Variants in LSAMP observed in about 807,000 individuals in gnomAD.
LSAMP encodes the protein limbic system associated membrane protein.
Under a neutral mutation model 38.6 loss-of-function variants are expected in LSAMP, and 7 were observed. That is an observed-to-expected ratio of 0.18 (90% CI 0.10 to 0.34). LSAMP has a LOEUF of 0.34. Ranked by LOEUF, LSAMP falls within the 10% of genes least tolerant of loss-of-function variation. The pLI is 1.00. For synonymous variants in LSAMP, 154 were observed against 166.8 expected, an observed-to-expected ratio of 0.92 and a Z score of 0.59; for missense variants, 313 against 420.0, an observed-to-expected ratio of 0.75 and a Z score of 2.23.
At chr3:116,224,425 C>A (rs902563351) in intron 1 of LSAMP, among the ~76,000 whole-genome samples, 1 of 152,084 alleles carries the variant, frequency 6.6e-6, no homozygotes, top group African/African-American at 2.4e-5. Flanking sequence ...GCTGCCTTTC[C>A]TTTTAGAATA....
chr3:116,408,992 T>C lies in LSAMP; in HGVS notation c.155+35885A>G, dbSNP rs142105059. 1.2e-3 allele frequency among the ~76,000 whole-genome samples: 184 copies of C among 152,138 alleles called. 2 individuals are homozygous for C. The highest frequency in any genetic ancestry group is 2.1e-3 in the Non-Finnish European group (140 of 67,958). On this transcript the variant is annotated intron_variant, in intron 1 of 6. Coordinates refer to ENST00000490035, the MANE Select transcript of LSAMP (RefSeq NM_002338.5). ...CGTCATTGTGCAGAAACAGAAAAAG[T>C]GATTTGCCCTTTTTCTACATTGGTT...
intron 1 of LSAMP, among the ~76,000 whole-genome samples, chr3:116,186,357 T>C (rs1710616386): frequency 6.6e-6 from 1 of 152,164 alleles, no homozygotes; most frequent in African/African-American, 2.4e-5. Flanking sequence ...AAGTGTTTTA[T>C]GTTTTAGAGC....
intron 3 of LSAMP, among the ~76,000 whole-genome samples, chr3:115,968,963 TGCAGTGAAAA>T (rs1366975898): frequency 6.6e-6 from 1 of 152,178 alleles, no homozygotes; most frequent in Non-Finnish European, 1.5e-5. Flanking sequence ...TCTTGCTTTC[TGCAGTGAAAA>T]GCAGCACTGA....
At chr3:116,227,659 C>T (rs2046357180) in intron 1 of LSAMP, among the ~76,000 whole-genome samples, 1 of 121,126 alleles carries the variant, frequency 8.3e-6, no homozygotes, top group South Asian at 3.2e-4. Context: ...TCATCTTGCT[C>T]CGTAGTTCCT....
intron 1 of LSAMP, among the ~76,000 whole-genome samples, chr3:116,086,985 T>C (rs1303235989): frequency 6.6e-6 from 1 of 152,238 alleles, no homozygotes; most frequent in African/African-American, 2.4e-5. Flanking sequence ...TGTGTAATGA[T>C]AGATTAAAGT....
intron 1 of LSAMP, among the ~76,000 whole-genome samples, chr3:116,237,070 A>G (rs927787384): frequency 6.6e-6 from 1 of 152,038 alleles, no homozygotes; most frequent in Admixed American, 6.6e-5. Flanking sequence ...CACTAAGATG[A>G]CTTTCTGATC....
chr3:116,164,454 G>A (rs1709980870), intron 1 of LSAMP, among the ~76,000 whole-genome samples: 1 of 149,394 alleles, frequency 6.7e-6, no homozygotes, highest in African/African-American at 2.5e-5. Context: ...TAAAAGCAAT[G>A]GCAAAAACCA....
At chr3:116,223,952 C>T (rs1329184315) in intron 1 of LSAMP, among the ~76,000 whole-genome samples, 2 of 152,076 alleles carry the variant, frequency 1.3e-5, no homozygotes, top group Non-Finnish European at 2.9e-5. Context: ...GGCTTCTTTG[C>T]TGATTTAATA....
intron 1 of LSAMP, among the ~76,000 whole-genome samples, chr3:116,352,760 A>G (rs2048159659): frequency 6.6e-6 from 1 of 152,066 alleles, no homozygotes; most frequent in Non-Finnish European, 1.5e-5. Context: ...TTTAATTCAT[A>G]TGTATTTCAC....
At chr3:116,078,946 A>G (rs1371861799) in intron 2 of LSAMP, among the ~76,000 whole-genome samples, 1 of 152,150 alleles carries the variant, frequency 6.6e-6, no homozygotes, top group Non-Finnish European at 1.5e-5. Context: ...ATGAATTGCT[A>G]CTGGGGTGTC....
intron 1 of LSAMP, among the ~76,000 whole-genome samples, chr3:116,249,148 CA>C (rs56255627): frequency 2.5e-3 from 315 of 126,238 alleles, no homozygotes; most frequent in African/African-American, 8.6e-3. Context: ...GACTCTGTCT[CA>C]AAAAAAAAAA....
chr3:116,275,474 T>C (rs1322315528), intron 1 of LSAMP, among the ~76,000 whole-genome samples: 2 of 152,146 alleles, frequency 1.3e-5, no homozygotes, highest in African/African-American at 4.8e-5. Flanking sequence ...TGTGTGGGCA[T>C]TGGGGGGAGT....
intron 3 of LSAMP, among the ~76,000 whole-genome samples, chr3:115,874,573 T>A: frequency 6.6e-6 from 1 of 152,132 alleles, no homozygotes; most frequent in Admixed American, 6.6e-5. Context: ...TGTACATTTA[T>A]TTATACATAC....
chr3:116,433,482 C>T (rs1454952853), intron 1 of LSAMP, among the ~76,000 whole-genome samples: 2 of 151,990 alleles, frequency 1.3e-5, no homozygotes, highest in African/African-American at 4.8e-5. Context: ...GAAAGATATA[C>T]AGAAGGAAAT....
intron 4 of LSAMP, among the ~76,000 whole-genome samples, chr3:115,842,996 A>G (rs1039792714): frequency 2.6e-5 from 4 of 152,210 alleles, no homozygotes; most frequent in East Asian, 1.9e-4. Flanking sequence ...TCTTGTCATT[A>G]TAGTTTGAGA....
At chr3:115,856,295 C>A (rs931496116) in intron 3 of LSAMP, among the ~76,000 whole-genome samples, 22 of 152,048 alleles carry the variant, frequency 1.4e-4, no homozygotes, top group Admixed American at 5.9e-4. Context: ...GAAGATGGAG[C>A]CTTCATGAAT....
chr3:116,167,310 T>C (rs1026201908), intron 1 of LSAMP, among the ~76,000 whole-genome samples: 1 of 152,130 alleles, frequency 6.6e-6, no homozygotes, highest in Non-Finnish European at 1.5e-5. Context: ...TGCATCTTCA[T>C]ATCCAGCTCA....
At chr3:115,939,528 T>TTC (rs1559889001) in intron 3 of LSAMP, among the ~76,000 whole-genome samples, 2 of 111,902 alleles carry the variant, frequency 1.8e-5, no homozygotes, top group Admixed American at 1.8e-4. Context: ...TATGTTCTCT[T>TTC]TCTCTTTCTT....
At chr3:115,861,122 CTTCTT>C (rs1559855355) in intron 3 of LSAMP, among the ~76,000 whole-genome samples, 1 of 85,780 alleles carries the variant, frequency 1.2e-5, no homozygotes, top group African/African-American at 4.5e-5. Context: ...TCCCTCCTTC[CTTCTT>C]TCTTTCCTTC....
Sources: gnomAD v4.1 joint callset for allele counts (sites outside exome capture counted in the v4.1 genomes callset) on GRCh38, gnomAD v4.1.1 for gene constraint, MANE v1.5 for transcripts, NCBI Gene and HGNC (gene_info 2026-07-23, HGNC 2026-07-21) for gene names.